LSAMP: variants seen among roughly 807,000 people sequenced by gnomAD.
The protein encoded by LSAMP is limbic system associated membrane protein.
Under a neutral mutation model 38.6 loss-of-function variants are expected in LSAMP, and 7 were observed. That is an observed-to-expected ratio of 0.18 (90% CI 0.10 to 0.34). The LOEUF (loss-of-function observed/expected upper bound fraction) is 0.34. Among genes scored for constraint, LSAMP ranks in the 10% least tolerant of loss-of-function variants. LSAMP has a pLI of 1.00. For synonymous variants in LSAMP, 154 were observed against 166.8 expected, an observed-to-expected ratio of 0.92 and a Z score of 0.59; for missense variants, 313 against 420.0, an observed-to-expected ratio of 0.75 and a Z score of 2.23.
At chr3:116,142,188 G>A (rs1709385661) in intron 1 of LSAMP, among the ~76,000 whole-genome samples, 1 of 152,012 alleles carries the variant, frequency 6.6e-6, no homozygotes, top group Non-Finnish European at 1.5e-5. Flanking sequence ...TGCTGTAGGA[G>A]TTCAGTGTAT....
chr3:116,076,474 G>T (rs1396804252), intron 2 of LSAMP, among the ~76,000 whole-genome samples: 2 of 151,960 alleles, frequency 1.3e-5, no homozygotes, highest in Non-Finnish European at 2.9e-5. Context: ...AGCCAGGATG[G>T]TCTCAATCTC....
chr3:116,222,536 C>T (rs1260680097), intron 1 of LSAMP, among the ~76,000 whole-genome samples: 1 of 151,554 alleles, frequency 6.6e-6, no homozygotes, highest in Non-Finnish European at 1.5e-5. Context: ...GTGTGAAGTC[C>T]GTAAAATAAG....
At chr3:116,050,759 C>T (rs919398075) in intron 2 of LSAMP, among the ~76,000 whole-genome samples, 3 of 152,214 alleles carry the variant, frequency 2.0e-5, no homozygotes, top group Admixed American at 6.5e-5. Flanking sequence ...TTCCCAGTTA[C>T]TTCTAAAGGA....
At position 116,309,702 on chromosome 3, in the gene LSAMP, T is replaced by C. The variant is rs145623790; in HGVS notation, c.155+135175A>G. Among the ~76,000 whole-genome samples the C allele has an allele frequency of 3.9e-5, 6 of 152,284 alleles. No individual in the cohort carries two copies. The East Asian group carries it at 1.2e-3, about 29-fold the overall frequency. ...CACACAAACCGCTGGCCATGGCCAA[T>C]GTCTTTTCTCCATGGGAAGAACATT... On this transcript the variant is annotated intron_variant, in intron 1 of 6. Coordinates refer to ENST00000490035, the MANE Select transcript of LSAMP (RefSeq NM_002338.5).
At chr3:116,281,846 T>A (rs1461126670) in intron 1 of LSAMP, among the ~76,000 whole-genome samples, 11 of 152,174 alleles carry the variant, frequency 7.2e-5, no homozygotes. Flanking sequence ...ATGACATATT[T>A]TAGTACTAAC....
chr3:116,359,000 T>C (rs1478323131), intron 1 of LSAMP, among the ~76,000 whole-genome samples: 1 of 152,192 alleles, frequency 6.6e-6, no homozygotes, highest in Non-Finnish European at 1.5e-5. Context: ...GTATAAAATC[T>C]GTGGGTTATT....
chr3:115,895,714 G>T (rs1164031306), intron 3 of LSAMP, among the ~76,000 whole-genome samples: 1 of 151,978 alleles, frequency 6.6e-6, no homozygotes, highest in African/African-American at 2.4e-5. Flanking sequence ...TTTATTCCTG[G>T]CAGAATACAA....
At chr3:116,401,819 A>G (rs1450361562) in intron 1 of LSAMP, among the ~76,000 whole-genome samples, 1 of 152,210 alleles carries the variant, frequency 6.6e-6, no homozygotes, top group African/African-American at 2.4e-5. Flanking sequence ...AGAGATATAT[A>G]CACATTTATT....
chr3:116,188,907 C>T (rs899477807), intron 1 of LSAMP, among the ~76,000 whole-genome samples: 1 of 152,172 alleles, frequency 6.6e-6, no homozygotes, highest in African/African-American at 2.4e-5. Flanking sequence ...TCTTCCAGAA[C>T]TGTTAAAAGT....
At position 116,085,661 on chromosome 3, in the gene LSAMP, T is replaced by C. The variant is rs78716869; in HGVS notation, c.388+663A>G. ...CCAATTGAGCAACAGTTTGGGGGTA[T>C]GTGAGTGCCATTTAAGGTTTTTATC... On this transcript the variant is annotated intron_variant, in intron 2 of 6. Coordinates refer to ENST00000490035, the MANE Select transcript of LSAMP (RefSeq NM_002338.5). Among the ~76,000 whole-genome samples, 684 of 152,288 alleles carry C rather than the reference T, an allele frequency of 4.5e-3. 18 individuals are homozygous for C. The highest frequency in any genetic ancestry group is 0.044 in the East Asian group (230 of 5,176).
chr3:116,004,925 C>T (rs924975362), intron 3 of LSAMP, among the ~76,000 whole-genome samples: 14 of 152,050 alleles, frequency 9.2e-5, no homozygotes, highest in Non-Finnish European at 1.2e-4. Flanking sequence ...CTCCTACATA[C>T]GTGAGAAATT....
At chr3:116,330,322 A>G (rs892740121) in intron 1 of LSAMP, among the ~76,000 whole-genome samples, 1 of 152,174 alleles carries the variant, frequency 6.6e-6, no homozygotes, top group Admixed American at 6.6e-5. Flanking sequence ...TGTGGCAGGC[A>G]GCTGTGCAGG....
At chr3:116,407,383 G>T (rs1189004204) in intron 1 of LSAMP, among the ~76,000 whole-genome samples, 3 of 152,040 alleles carry the variant, frequency 2.0e-5, no homozygotes, top group African/African-American at 7.2e-5. Context: ...ATGACCTTTA[G>T]TTGATTCTCA....
intron 1 of LSAMP, among the ~76,000 whole-genome samples, chr3:116,355,907 A>C (rs921820837): frequency 1.2e-4 from 18 of 152,232 alleles, no homozygotes; most frequent in Non-Finnish European, 1.9e-4. Flanking sequence ...AATGGCTTTT[A>C]TCCAAAACAC....
chr3:116,162,901 G>T (rs193013345), intron 1 of LSAMP, among the ~76,000 whole-genome samples: 34 of 151,878 alleles, frequency 2.2e-4, no homozygotes, highest in Non-Finnish European at 4.4e-5. Flanking sequence ...CCCTCTCAAG[G>T]TGCTCCTTGA....
chr3:116,203,975 C>T (rs1178610045), intron 1 of LSAMP, among the ~76,000 whole-genome samples: 4 of 152,094 alleles, frequency 2.6e-5, no homozygotes, highest in Non-Finnish European at 5.9e-5. Context: ...GGAATCGCCA[C>T]GCTGACTTCA....
At chr3:116,323,217 C>T (rs570452589) in intron 1 of LSAMP, among the ~76,000 whole-genome samples, 7 of 152,082 alleles carry the variant, frequency 4.6e-5, no homozygotes, top group Non-Finnish European at 1.0e-4. Context: ...AGCTACTTTC[C>T]ACAAATATCC....
At chr3:116,441,825 T>G (rs2049439478) in intron 1 of LSAMP, among the ~76,000 whole-genome samples, 1 of 152,180 alleles carries the variant, frequency 6.6e-6, no homozygotes, top group Non-Finnish European at 1.5e-5. Context: ...TTCTGGTTGT[T>G]CTATTTAGGG....
chr3:116,042,673 C>T (rs1330220970), intron 2 of LSAMP, among the ~76,000 whole-genome samples: 1 of 152,124 alleles, frequency 6.6e-6, no homozygotes, highest in Non-Finnish European at 1.5e-5. Flanking sequence ...CGTGATCCAC[C>T]CGCCTTGGCC....
Sources: allele counts gnomAD v4.1 joint callset (sites outside exome capture counted in the v4.1 genomes callset), GRCh38; gene constraint gnomAD v4.1.1; transcripts MANE v1.5; gene names NCBI Gene and HGNC (gene_info 2026-07-23, HGNC 2026-07-21).